The following PAPPA2 variants were observed in gnomAD, a reference collection of about 807,000 sequenced individuals.
The protein encoded by PAPPA2 is pappalysin-2.
Under a neutral mutation model 176.4 loss-of-function variants are expected in PAPPA2, and 86 were observed. The observed-to-expected ratio is 0.49, with a 90% confidence interval of 0.41 to 0.58. PAPPA2 has a LOEUF of 0.58. PAPPA2 is among the 20% of genes least tolerant of loss of function. PAPPA2 has a pLI of 0.00. For synonymous variants in PAPPA2, 809 were observed against 852.2 expected (o/e 0.95, Z 0.88); for missense variants, 2,073 against 2,256.9 (o/e 0.92, Z 1.65).
intron 1 of PAPPA2, among the ~76,000 whole-genome samples, chr1:176,544,359 T>C (rs1650511712): frequency 6.6e-6 from 1 of 152,178 alleles, no homozygotes; most frequent in Admixed American, 6.5e-5. Context: ...GTAGGAGTTG[T>C]TCCATAAATG....
chr1:176,594,608 A>C lies in PAPPA2; in HGVS notation c.1004A>C (p.Asp335Ala), dbSNP rs1653849354. The C allele has an allele frequency of 6.2e-7, 1 of 1,614,154 alleles. No homozygotes were observed. The highest frequency in any genetic ancestry group is 8.5e-7 in the Non-Finnish European group (1 of 1,180,026). The change falls in exon 3 of 23, where the codon GAT (aspartate) becomes GCT (alanine). Residue 335 changes from aspartate (D) to alanine (A), a missense_variant. This residue lies in a region of PAPPA2 where 1,196 missense variants were observed against 1,330.4 expected (regional missense o/e 0.90). Coordinates refer to ENST00000367662, the MANE Select transcript of PAPPA2 (RefSeq NM_020318.3). Reference protein sequence around the residue: ...IRSGKDKGKRDARFFFSLCTD... With the variant: ...IRSGKDKGKRAARFFFSLCTD... ...TCAGGGAAGGACAAGGGAAAGCGGG[A>C]TGCTCGCTTCTTCTTCTCCCTCTGC...
At chr1:176,825,097 G>A (rs766681292) in intron 21 of PAPPA2, among the ~76,000 whole-genome samples, 9 of 152,238 alleles carry the variant, frequency 5.9e-5, no homozygotes, top group Non-Finnish European at 8.8e-5. Flanking sequence ...GTGCTTCCTC[G>A]GAGACTTACT....
At chr1:176,795,579 T>A (rs77439611) in intron 20 of PAPPA2, among the ~76,000 whole-genome samples, 8,184 of 152,320 alleles carry the variant, frequency 0.054, 307 homozygotes, top group Non-Finnish European at 0.078. Context: ...AGAATTTTTT[T>A]AACATATTGT....
chr1:176,545,462 T>A (rs750782120), intron 1 of PAPPA2, among the ~76,000 whole-genome samples: 7 of 144,922 alleles, frequency 4.8e-5, no homozygotes, highest in African/African-American at 7.7e-5. Flanking sequence ...AAATAAATAA[T>A]ACACCTGAAC....
At chr1:176,793,533 C>T (rs771687403) in intron 19 of PAPPA2, 27 bp from the exon 20 acceptor site, 1 of 1,557,632 alleles carries the variant, frequency 6.4e-7, no homozygotes, top group Non-Finnish European at 8.8e-7. Flanking sequence ...AAGTTCAAGT[C>T]TCTGCTGTAA....
chr1:176,554,011 G>A (rs1651121031), intron 1 of PAPPA2, among the ~76,000 whole-genome samples: 1 of 151,942 alleles, frequency 6.6e-6, no homozygotes, highest in Non-Finnish European at 1.5e-5. Flanking sequence ...AAAAGTAAAG[G>A]GAAGGAAAAA....
intron 1 of PAPPA2, among the ~76,000 whole-genome samples, chr1:176,538,267 G>A (rs1650178347): frequency 6.6e-6 from 1 of 152,148 alleles, no homozygotes; most frequent in African/African-American, 2.4e-5. Flanking sequence ...CTCTTCACAT[G>A]TCTTGAGCAT....
intron 4 of PAPPA2, among the ~76,000 whole-genome samples, chr1:176,686,555 T>A (rs939305751): frequency 2.0e-5 from 3 of 152,140 alleles, no homozygotes; most frequent in Admixed American, 1.3e-4. Context: ...GATTAAAGGT[T>A]GGCGAATCTG....
intron 2 of PAPPA2, among the ~76,000 whole-genome samples, chr1:176,578,742 C>A (rs550249170): frequency 1.3e-5 from 2 of 152,090 alleles, no homozygotes; most frequent in Non-Finnish European, 2.9e-5. Flanking sequence ...GAGAGAGATA[C>A]GTATTGATAA....
chr1:176,569,194 C>T (rs772233008), intron 2 of PAPPA2, among the ~76,000 whole-genome samples: 8 of 152,202 alleles, frequency 5.3e-5, no homozygotes, highest in Non-Finnish European at 1.0e-4. Flanking sequence ...TACAATCATG[C>T]TCTCACACCA....
At chr1:176,623,669 T>TTC (rs760279254) in intron 3 of PAPPA2, among the ~76,000 whole-genome samples, 1,556 of 58,712 alleles carry the variant, frequency 0.027, 32 homozygotes, top group African/African-American at 0.059. Context: ...CTTTCTTTCT[T>TTC]TTTCTTTCTT....
intron 5 of PAPPA2, 113 bp from the exon 6 acceptor site, chr1:176,692,013 A>C (rs1053580546): frequency 3.0e-6 from 3 of 993,736 alleles, no homozygotes; most frequent in East Asian, 2.5e-5. Flanking sequence ...GTAAGTGCTC[A>C]TTGAGCCTAA....
chr1:176,463,452 G>A (rs1651470917), intron 1 of PAPPA2, 34 bp downstream of exon 1: 1 of 152,248 alleles, frequency 6.6e-6, no homozygotes, highest in African/African-American at 2.4e-5. Context: ...TATTACCATA[G>A]CATGTCTGCT....
At chr1:176,499,670 C>T (rs977219034) in intron 1 of PAPPA2, among the ~76,000 whole-genome samples, 2 of 152,174 alleles carry the variant, frequency 1.3e-5, no homozygotes, top group Admixed American at 6.5e-5. Flanking sequence ...CTTCATAATG[C>T]TTCCCTCTCC....
intron 21 of PAPPA2, among the ~76,000 whole-genome samples, chr1:176,825,007 G>A (rs1422213033): frequency 1.3e-5 from 2 of 152,146 alleles, no homozygotes; most frequent in African/African-American, 2.4e-5. Flanking sequence ...CTGGTTCCAT[G>A]TCCTGTGGGC....
intron 12 of PAPPA2, among the ~76,000 whole-genome samples, chr1:176,717,453 A>G (rs766481005): frequency 1.6e-4 from 25 of 152,224 alleles, no homozygotes; most frequent in Middle Eastern, 3.2e-3. Flanking sequence ...CTTAATTAGC[A>G]TATAATTAAA....
intron 3 of PAPPA2, chr1:176,616,330 G>A: frequency 1.8e-6 from 1 of 556,616 alleles, no homozygotes; most frequent in Non-Finnish European, 3.5e-6. Context: ...CGCATTTTAG[G>A]ATGATACTTC....
intron 17 of PAPPA2, among the ~76,000 whole-genome samples, chr1:176,784,390 C>T (rs1664842998): frequency 6.6e-6 from 1 of 152,092 alleles, no homozygotes; most frequent in Non-Finnish European, 1.5e-5. Context: ...CATCACCAAA[C>T]TAGAAGCAAT....
intron 3 of PAPPA2, among the ~76,000 whole-genome samples, chr1:176,603,456 G>A (rs1439335832): frequency 6.6e-6 from 1 of 152,146 alleles, no homozygotes; most frequent in Non-Finnish European, 1.5e-5. Context: ...TAGTTAGGGT[G>A]GCCGTCAGGG....
Sources: gnomAD v4.1 joint callset for allele counts (sites outside exome capture counted in the v4.1 genomes callset) on GRCh38, gnomAD v4.1.1 for gene constraint, gnomAD v4.1.1 regional missense constraint, MANE v1.5 for transcripts, NCBI Gene and HGNC (gene_info 2026-07-23, HGNC 2026-07-21) for gene names.